ANKRD31: variants seen among roughly 807,000 people sequenced by gnomAD.
ANKRD31 encodes the protein ankyrin repeat domain 31, also known as ankyrin repeat domain-containing protein 31.
Under a neutral mutation model 186.0 loss-of-function variants are expected in ANKRD31, and 147 were observed. The observed-to-expected ratio is 0.79, with a 90% CI of 0.69 to 0.91. ANKRD31 has a LOEUF of 0.91. Among genes scored for constraint, ANKRD31 ranks in the 40% least tolerant of loss-of-function variants. The probability of loss-of-function intolerance (pLI) is 0.00; values close to 1 mark genes in which losing one functional copy is unlikely to be tolerated. For synonymous variants in ANKRD31, 673 were observed against 736.4 expected (o/e 0.91, Z 1.39); for missense variants, 1,986 against 2,148.8 (o/e 0.92, Z 1.50).
intron 22 of ANKRD31, among the ~76,000 whole-genome samples, chr5:75,099,671 T>C (rs952578499): frequency 1.3e-5 from 2 of 152,220 alleles, no homozygotes; most frequent in Non-Finnish European, 2.9e-5. Flanking sequence ...AGGGTGTATG[T>C]GTCCAGGAAT....
In ANKRD31 at chr5:75,104,909, GT is replaced by G; in HGVS notation, c.4649del (p.Asn1550ThrfsTer10). On this transcript the variant is annotated frameshift_variant, in exon 22 of 26. Transcript: ENST00000506364. LOFTEE classifies it high-confidence loss of function. ...GACAAATGTTGGTATTTTGGCTGTA[GT>G]TCCAAGTTTCCAGAGACAATTGTGT... ...QETQLSLETW[N>X]YSQNTNICLN... 1 of 1,537,184 alleles carries G rather than the reference GT, an allele frequency of 6.5e-7. No homozygotes were observed. The highest frequency in any genetic ancestry group is 8.7e-7 in the Non-Finnish European group (1 of 1,146,886).
intron 2 of ANKRD31, among the ~76,000 whole-genome samples, chr5:75,226,409 G>A (rs914972276): frequency 6.6e-6 from 1 of 152,070 alleles, no homozygotes; most frequent in South Asian, 2.1e-4. Context: ...GGTACTCCAC[G>A]TCTGTCCCAG....
At chr5:75,138,825 T>C in intron 16 of ANKRD31, 21 bp downstream of exon 16, 1 of 1,531,758 alleles carries the variant, frequency 6.5e-7, no homozygotes, top group East Asian at 2.5e-5. Context: ...ATAAAGGTAA[T>C]TAAATTAAAA....
At chr5:75,103,819 G>C (rs1747109143) in intron 22 of ANKRD31, among the ~76,000 whole-genome samples, 1 of 152,124 alleles carries the variant, frequency 6.6e-6, no homozygotes, top group Non-Finnish European at 1.5e-5. Flanking sequence ...TGAACACAGG[G>C]AGGGGAACAG....
At chr5:75,230,672 T>C in intron 1 of ANKRD31, 37 bp from the exon 2 acceptor site, 6 of 1,454,172 alleles carry the variant, frequency 4.1e-6, no homozygotes, top group Non-Finnish European at 5.6e-6. Context: ...AAGTTGTTAA[T>C]GTGTCTTAAA....
intron 22 of ANKRD31, among the ~76,000 whole-genome samples, chr5:75,092,675 G>C (rs1746012391): frequency 1.3e-5 from 2 of 152,054 alleles, no homozygotes; most frequent in African/African-American, 4.8e-5. Context: ...AAAATGTCCA[G>C]TTCCAACAAA....
At chr5:75,182,735 G>C (rs1580506931) in intron 10 of ANKRD31, among the ~76,000 whole-genome samples, 1 of 147,944 alleles carries the variant, frequency 6.8e-6, no homozygotes, top group South Asian at 2.1e-4. Context: ...AAAAAAAAAA[G>C]ACTAAAATGT....
intron 19 of ANKRD31, among the ~76,000 whole-genome samples, chr5:75,115,504 A>T (rs1748153378): frequency 1.3e-5 from 2 of 150,900 alleles, no homozygotes; most frequent in African/African-American, 4.9e-5. Context: ...TTTGCAACCT[A>T]CTCATCTGAC....
chr5:75,210,745 T>C (rs1289694436), intron 4 of ANKRD31, 83 bp downstream of exon 4: 3 of 993,284 alleles, frequency 3.0e-6, no homozygotes, highest in African/African-American at 3.4e-5. Context: ...ATTCTAAAAC[T>C]CTTAAAAATG....
At chr5:75,209,940 C>T (rs536844357) in intron 4 of ANKRD31, among the ~76,000 whole-genome samples, 16 of 152,264 alleles carry the variant, frequency 1.1e-4, no homozygotes, top group Non-Finnish European at 1.6e-4. Context: ...TGTTAAGACT[C>T]CAGCATTTTA....
At chr5:75,107,023 CAT>C (rs1239195547) in intron 21 of ANKRD31, among the ~76,000 whole-genome samples, 4 of 151,338 alleles carry the variant, frequency 2.6e-5, no homozygotes, top group Non-Finnish European at 5.9e-5. Flanking sequence ...AAGAAAAAAA[CAT>C]GTAACATTTT....
intron 10 of ANKRD31, among the ~76,000 whole-genome samples, chr5:75,178,080 A>G (rs916159034): frequency 3.9e-5 from 6 of 152,186 alleles, no homozygotes; most frequent in Non-Finnish European, 7.3e-5. Context: ...CAGGGGTTGC[A>G]ATCTGAGTCT....
intron 11 of ANKRD31, among the ~76,000 whole-genome samples, chr5:75,159,471 C>A (rs1752427778): frequency 6.6e-6 from 1 of 151,750 alleles, no homozygotes; most frequent in Admixed American, 6.6e-5. Flanking sequence ...AAGATAAAAT[C>A]ATGAAAGCAG....
intron 11 of ANKRD31, 121 bp downstream of exon 11, chr5:75,168,858 T>C: frequency 1.1e-6 from 1 of 933,206 alleles, no homozygotes; most frequent in East Asian, 2.7e-5. Flanking sequence ...AAATTCTAAG[T>C]ATTCATTAGC....
At chr5:75,097,043 T>C (rs921039254) in intron 22 of ANKRD31, among the ~76,000 whole-genome samples, 4 of 152,364 alleles carry the variant, frequency 2.6e-5, no homozygotes, top group African/African-American at 9.6e-5. Context: ...CCATATTTTC[T>C]TAATCCAGTC....
Position 75,188,559 on chromosome 5 carries a change from C to T in ANKRD31, c.1498G>A (p.Asp500Asn), listed in dbSNP as rs1439789406. The T allele has an allele frequency of 3.3e-6, 5 of 1,536,352 alleles. No homozygotes were observed. In the South Asian group the frequency reaches 4.8e-5, roughly 15 times the overall value. Reference sequence around the variant, plus strand: ...CAATGATGAACAAGATCAGCATCATCGTGTAGAGCAGCCTTATATACTAAG... The same window carrying T: ...CAATGATGAACAAGATCAGCATCATTGTGTAGAGCAGCCTTATATACTAAG... ...ENLVYKAALH[D>N]DADLVHHCIK... is the part of the protein sequence containing the mutation. The change falls in exon 10 of 26, where the codon GAT becomes AAT. Residue 500 changes from aspartate to asparagine, a missense_variant. Physicochemically the swap from Asp to Asn is conservative, Grantham distance 23. Coordinates refer to ENST00000506364, the MANE Select transcript of ANKRD31 (RefSeq NM_001372053.1).
At chr5:75,187,251 A>G (rs1393510196) in intron 10 of ANKRD31, among the ~76,000 whole-genome samples, 2 of 151,946 alleles carry the variant, frequency 1.3e-5, no homozygotes, top group Non-Finnish European at 2.9e-5. Flanking sequence ...ATTCTGTGGG[A>G]TGTGGTAGCC....
Position 75,104,651 on chromosome 5 carries a change from G to C in ANKRD31, c.4908C>G (p.Ser1636=). 1 of 1,536,022 alleles carries C rather than the reference G, an allele frequency of 6.5e-7. No homozygotes were observed. The highest frequency in any genetic ancestry group is 1.2e-5 in the South Asian group (1 of 83,708). ...AAATATTTAATTTGCCGATTACTGG[G>C]GAAGAAACATAGAATTCATGGTCTT... ...TDKDHEFYVS[S]PVIGKLNISE... is the part of the protein sequence containing the mutation. The change falls in exon 22 of 26, where the codon TCC becomes TCG. Residue 1636 remains serine (S), a synonymous_variant. Coordinates refer to ENST00000506364, the MANE Select transcript of ANKRD31 (RefSeq NM_001372053.1).
chr5:75,084,778 T>C (rs957624262), intron 23 of ANKRD31, among the ~76,000 whole-genome samples: 11 of 152,238 alleles, frequency 7.2e-5, no homozygotes, highest in Non-Finnish European at 1.5e-4. Context: ...AAAAATTTAA[T>C]GTTACATTAA....
Sources: gnomAD v4.1 joint callset for allele counts (sites outside exome capture counted in the v4.1 genomes callset) on GRCh38, gnomAD v4.1.1 for gene constraint, MANE v1.5 for transcripts, NCBI Gene and HGNC (gene_info 2026-07-23, HGNC 2026-07-21) for gene names.